ZDHHC21: variants seen among roughly 807,000 people sequenced by gnomAD.
ZDHHC21 encodes the protein palmitoyltransferase ZDHHC21.
ZDHHC21 carries 15 observed loss-of-function variants against 34.6 expected under a neutral mutation model. The ratio of observed to expected loss-of-function variants is 0.43; its 90% CI spans 0.29 to 0.67. The LOEUF (loss-of-function observed/expected upper bound fraction) is 0.67. ZDHHC21 is among the 30% of genes least tolerant of loss of function. ZDHHC21 has a pLI of 0.14. For missense variants in ZDHHC21, 344 were observed against 327.7 expected (o/e 1.05, Z -0.38); for synonymous variants, 142 against 101.8 (o/e 1.40, Z -2.38).
intron 8 of ZDHHC21, 73 bp from the exon 9 acceptor site, chr9:14,619,755 G>T: frequency 1.1e-6 from 1 of 870,054 alleles, no homozygotes; most frequent in Non-Finnish European, 1.6e-6. Context: ...ACTCTATCAT[G>T]TTTTTAATCT....
At chr9:14,650,799 C>T (rs1390262157) in intron 7 of ZDHHC21, among the ~76,000 whole-genome samples, 1 of 151,906 alleles carries the variant, frequency 6.6e-6, no homozygotes, top group Admixed American at 6.6e-5. Flanking sequence ...GTTGGCTAGG[C>T]TGCTAAACAT....
chr9:14,668,733 G>C (rs1447702714), intron 5 of ZDHHC21, among the ~76,000 whole-genome samples: 20 of 132,922 alleles, frequency 1.5e-4, no homozygotes, highest in Admixed American at 3.1e-4. Context: ...ACAAACCTGA[G>C]AAAAACAAGC....
At chr9:14,677,171 T>G (rs1836558598) in intron 3 of ZDHHC21, among the ~76,000 whole-genome samples, 1 of 152,060 alleles carries the variant, frequency 6.6e-6, no homozygotes, top group South Asian at 2.1e-4. Context: ...TATGTCCATT[T>G]TTCCTGGATG....
At chr9:14,688,397 G>T (rs570944860) in intron 2 of ZDHHC21, among the ~76,000 whole-genome samples, 1 of 150,814 alleles carries the variant, frequency 6.6e-6, no homozygotes, top group East Asian at 1.9e-4. Flanking sequence ...ATGAAACAAC[G>T]TTTCTAGGTC....
At position 14,674,429 on chromosome 9, in the gene ZDHHC21, T is replaced by C. The variant is rs1027834686; in HGVS notation, c.-45-44A>G. On this transcript the variant is annotated intron_variant, in intron 3 of 9. Transcript: ENST00000380916. ...GAAAATAATTACTTACATAGAAAAATTTGACTAAAACCTGTATTTCTGGCA... is the reference window on the plus strand; with the variant it reads ...GAAAATAATTACTTACATAGAAAAACTTGACTAAAACCTGTATTTCTGGCA... 7 of 1,345,656 alleles carry C rather than the reference T, an allele frequency of 5.2e-6. No individual in the cohort carries two copies. The African/African-American group carries it at 9.3e-5, about 18-fold the overall frequency. 83.4% of individuals were successfully genotyped at this position (1,345,656 alleles called of 1,614,324 possible). A position where few individuals can be genotyped will look rare whatever the true frequency, so the allele number is the denominator to read the frequency against.
At chr9:14,649,165 C>T (rs1830785812) in intron 7 of ZDHHC21, among the ~76,000 whole-genome samples, 1 of 151,998 alleles carries the variant, frequency 6.6e-6, no homozygotes, top group Non-Finnish European at 1.5e-5. Flanking sequence ...GGAAAGTCAA[C>T]CTCCTCCCAA....
chr9:14,693,148 C>A (rs1223936286), intron 1 of ZDHHC21, 81 bp downstream of exon 1: 16 of 147,396 alleles, frequency 1.1e-4, no homozygotes, highest in African/African-American at 7.6e-4. Context: ...CAGAGCGGAG[C>A]GGGGGCCGGG....
intron 5 of ZDHHC21, among the ~76,000 whole-genome samples, chr9:14,666,651 C>A (rs1834500896): frequency 9.1e-6 from 1 of 109,724 alleles, no homozygotes; most frequent in South Asian, 3.9e-4. Flanking sequence ...CAAACTGTCT[C>A]TCAGACCACA....
chr9:14,634,514 C>A (rs925998567), intron 8 of ZDHHC21, among the ~76,000 whole-genome samples: 9 of 152,128 alleles, frequency 5.9e-5, no homozygotes, highest in African/African-American at 1.9e-4. Context: ...CAACCCGGTC[C>A]CTAGCAAAAT....
intron 5 of ZDHHC21, among the ~76,000 whole-genome samples, chr9:14,667,051 G>T (rs1834572404): frequency 1.2e-5 from 1 of 80,820 alleles, no homozygotes; most frequent in Admixed American, 1.2e-4. Flanking sequence ...AAAAATCAAT[G>T]AATCCAGGAG....
At chr9:14,689,843 T>G (rs1838912326) in intron 2 of ZDHHC21, among the ~76,000 whole-genome samples, 1 of 152,164 alleles carries the variant, frequency 6.6e-6, no homozygotes, top group African/African-American at 2.4e-5. Context: ...CACTGCAGCC[T>G]CAGTCTCCAT....
At chr9:14,638,037 G>C (rs1385856941) in intron 8 of ZDHHC21, among the ~76,000 whole-genome samples, 1 of 151,768 alleles carries the variant, frequency 6.6e-6, no homozygotes, top group African/African-American at 2.4e-5. Context: ...CCTAAAATTT[G>C]TAAGTCAAAA....
At chr9:14,640,587 T>A (rs552408570) in intron 7 of ZDHHC21, among the ~76,000 whole-genome samples, 1 of 152,198 alleles carries the variant, frequency 6.6e-6, no homozygotes, top group East Asian at 1.9e-4. Flanking sequence ...CCAACCACCA[T>A]TGCCAAGCAT....
intron 7 of ZDHHC21, among the ~76,000 whole-genome samples, chr9:14,651,054 G>A (rs898143419): frequency 1.3e-5 from 2 of 151,880 alleles, no homozygotes; most frequent in Non-Finnish European, 2.9e-5. Flanking sequence ...TATAATCTCT[G>A]ACAGTAATAG....
At chr9:14,673,034 A>G in intron 4 of ZDHHC21, 106 bp from the exon 5 acceptor site, 1 of 640,646 alleles carries the variant, frequency 1.6e-6, no homozygotes, top group Non-Finnish European at 2.4e-6. Flanking sequence ...CACCATCAGG[A>G]GAAAAAATTT....
At chr9:14,662,844 T>C (rs758098581) in intron 5 of ZDHHC21, among the ~76,000 whole-genome samples, 1 of 152,154 alleles carries the variant, frequency 6.6e-6, no homozygotes, top group Non-Finnish European at 1.5e-5. Context: ...ATCATTTAAT[T>C]TTAAAAAACA....
intron 5 of ZDHHC21, among the ~76,000 whole-genome samples, chr9:14,662,705 T>C (rs1281724978): frequency 6.6e-6 from 1 of 152,130 alleles, no homozygotes; most frequent in East Asian, 1.9e-4. Context: ...TTCTAGAAAT[T>C]TCATTTTCTA....
chr9:14,646,893 G>T lies in ZDHHC21; in HGVS notation c.505-6881C>A, dbSNP rs375132338. On this transcript the variant is annotated intron_variant, in intron 7 of 9. Transcript: ENST00000380916. ...CTTAGCAGTATGCAAGTTTCTTGAA[G>T]ATGGGGACTTTTGCCTGTCTTGTTC... Among the ~76,000 whole-genome samples, 16 of 152,114 alleles carry T rather than the reference G, an allele frequency of 1.1e-4. No homozygotes were observed. In the East Asian group the frequency reaches 3.1e-3, roughly 29 times the overall value.
At chr9:14,667,546 A>C (rs879901705) in intron 5 of ZDHHC21, among the ~76,000 whole-genome samples, 1,489 of 122,450 alleles carry the variant, frequency 0.012, 18 homozygotes, top group African/African-American at 0.027. Flanking sequence ...AGACACAACC[A>C]AAAAAGAGAA....
Sources: gnomAD v4.1 joint callset for allele counts (sites outside exome capture counted in the v4.1 genomes callset) on GRCh38, gnomAD v4.1.1 for gene constraint, MANE v1.5 for transcripts, NCBI Gene and HGNC (gene_info 2026-07-23, HGNC 2026-07-21) for gene names.